The following FER variants were observed in gnomAD, a reference collection of about 807,000 sequenced individuals.
FER encodes the protein FER tyrosine kinase, also known as tyrosine-protein kinase Fer.
Under a neutral mutation model 111.0 loss-of-function variants are expected in FER, and 63 were observed. The ratio of observed to expected loss-of-function variants is 0.57; its 90% CI spans 0.46 to 0.70. The LOEUF (loss-of-function observed/expected upper bound fraction) is 0.70, where lower values mean the gene tolerates loss of function less well. Ranked by LOEUF, FER falls within the 30% of genes least tolerant of loss-of-function variation. FER has a pLI of 0.00. For synonymous variants in FER, 327 were observed against 313.9 expected (o/e 1.04, Z -0.44); for missense variants, 914 against 954.0 (o/e 0.96, Z 0.55).
chr5:108,753,778 T>A (rs1230560647), intron 1 of FER, among the ~76,000 whole-genome samples: 1 of 152,218 alleles, frequency 6.6e-6, no homozygotes, highest in Non-Finnish European at 1.5e-5. Flanking sequence ...GTTCTAATTC[T>A]TAAAGAACAT....
intron 3 of FER, among the ~76,000 whole-genome samples, chr5:108,815,546 C>T (rs2150088344): frequency 6.6e-6 from 1 of 152,164 alleles, no homozygotes; most frequent in East Asian, 1.9e-4. Context: ...TTGTTAGGAC[C>T]TGTTTTCTGT....
chr5:108,850,594 C>T (rs989943973), intron 5 of FER, among the ~76,000 whole-genome samples: 6 of 151,912 alleles, frequency 3.9e-5, no homozygotes, highest in Non-Finnish European at 8.8e-5. Context: ...AGTTGGAATA[C>T]TATTTGTTTT....
chr5:108,900,240 A>T (rs1749815771), intron 10 of FER, among the ~76,000 whole-genome samples: 1 of 152,244 alleles, frequency 6.6e-6, no homozygotes, highest in African/African-American at 2.4e-5. Flanking sequence ...TTTCAGAACA[A>T]TTAGAAATTT....
At chr5:108,809,424 G>A (rs535068880) in intron 3 of FER, among the ~76,000 whole-genome samples, 1 of 152,150 alleles carries the variant, frequency 6.6e-6, no homozygotes, top group Non-Finnish European at 1.5e-5. Context: ...CATAAGCTCT[G>A]ACTGATTTCT....
intron 3 of FER, among the ~76,000 whole-genome samples, chr5:108,812,430 G>A (rs924058146): frequency 2.0e-5 from 3 of 152,022 alleles, no homozygotes; most frequent in African/African-American, 2.4e-5. Context: ...GTGGTATGTC[G>A]TTTTTCATCA....
chr5:108,953,413 G>A (rs1425778592), intron 11 of FER, among the ~76,000 whole-genome samples: 1 of 151,910 alleles, frequency 6.6e-6, no homozygotes, highest in Non-Finnish European at 1.5e-5. Context: ...GTCACAAACG[G>A]AATATATTTT....
chr5:109,163,165 T>C (rs970885239), intron 17 of FER, among the ~76,000 whole-genome samples: 3 of 152,302 alleles, frequency 2.0e-5, no homozygotes, highest in South Asian at 2.1e-4. Flanking sequence ...TTGTTCTAGC[T>C]TTCTTTTTTG....
intron 5 of FER, 50 bp downstream of exon 5, chr5:108,835,857 T>G (rs1267249859): frequency 1.9e-6 from 2 of 1,035,952 alleles, no homozygotes; most frequent in Non-Finnish European, 2.8e-6. Flanking sequence ...TTATTCTTAC[T>G]GTTTGAAAGT....
Position 108,900,467 on chromosome 5 carries a change from T to C in FER, c.1236+2619T>C, listed in dbSNP as rs976580368. ...AAAAGCCTGGAATTCACATAAGTGGTTCTATTGGTATTTTCTCTTTATAAA... is the reference window on the plus strand; with the variant it reads ...AAAAGCCTGGAATTCACATAAGTGGCTCTATTGGTATTTTCTCTTTATAAA... On this transcript the variant is annotated intron_variant, in intron 10 of 19. Coordinates refer to ENST00000281092, the MANE Select transcript of FER (RefSeq NM_005246.4). Among the ~76,000 whole-genome samples the C allele has an allele frequency of 3.9e-5, 6 of 152,368 alleles. No individual in the cohort carries two copies. In the East Asian group the frequency reaches 9.6e-4, roughly 24 times the overall value.
At chr5:109,156,362 C>T (rs1755380747) in intron 17 of FER, among the ~76,000 whole-genome samples, 1 of 152,008 alleles carries the variant, frequency 6.6e-6, no homozygotes, top group Non-Finnish European at 1.5e-5. Flanking sequence ...AGGAAGAAGA[C>T]TTGAGCAAAT....
intron 5 of FER, among the ~76,000 whole-genome samples, chr5:108,844,126 ATG>A (rs1281143822): frequency 6.6e-5 from 10 of 150,962 alleles, no homozygotes; most frequent in African/African-American, 1.7e-4. Context: ...GAACACATAT[ATG>A]TGTGTGAACA....
intron 3 of FER, among the ~76,000 whole-genome samples, chr5:108,813,374 T>C (rs1482436837): frequency 6.6e-6 from 1 of 152,132 alleles, no homozygotes; most frequent in Non-Finnish European, 1.5e-5. Context: ...CTCTGCATTT[T>C]TTGTGCTAGG....
chr5:109,179,848 A>G (rs1185701985), intron 17 of FER, among the ~76,000 whole-genome samples: 1 of 152,124 alleles, frequency 6.6e-6, no homozygotes, highest in Non-Finnish European at 1.5e-5. Context: ...CCTGGAACCA[A>G]TCATGGATCC....
intron 5 of FER, among the ~76,000 whole-genome samples, chr5:108,865,797 A>G (rs928551125): frequency 7.2e-5 from 11 of 152,226 alleles, no homozygotes; most frequent in Admixed American, 3.3e-4. Flanking sequence ...ACACTTCTCA[A>G]AAGAAGACAT....
At position 109,188,858 on chromosome 5, in the gene FER, T is replaced by C. The variant is rs1759158081; in HGVS notation, c.*1283T>C. ...AATTTCCTTTATTTGTACCAGTTTTTAGAGCTGTCAGAATTTCATGATTCT... is the reference window on the plus strand; with the variant it reads ...AATTTCCTTTATTTGTACCAGTTTTCAGAGCTGTCAGAATTTCATGATTCT... On this transcript the variant is annotated 3_prime_UTR_variant, in exon 20 of 20. Coordinates refer to ENST00000281092, the MANE Select transcript of FER (RefSeq NM_005246.4). 6.6e-6 allele frequency: 1 copy of C among 152,206 alleles called. No individual in the cohort carries two copies. Among genetic ancestry groups the C allele is most frequent in the Non-Finnish European group, 1.5e-5 (1 of 68,032 alleles). The allele number at this position is 152,206 out of a possible 1,614,324, so 9.4% of individuals were successfully genotyped here. A position where few individuals can be genotyped will look rare whatever the true frequency, so the allele number is the denominator to read the frequency against.
At chr5:108,923,634 A>T (rs944099971) in intron 10 of FER, among the ~76,000 whole-genome samples, 1 of 152,222 alleles carries the variant, frequency 6.6e-6, no homozygotes, top group Non-Finnish European at 1.5e-5. Flanking sequence ...ACAAATCATT[A>T]TAGAATAGGT....
intron 17 of FER, among the ~76,000 whole-genome samples, chr5:109,108,150 A>G (rs1749172021): frequency 6.6e-6 from 1 of 152,124 alleles, no homozygotes; most frequent in Non-Finnish European, 1.5e-5. Flanking sequence ...AAGTACATTC[A>G]TATGCTCATT....
chr5:108,809,346 T>G (rs904672301), intron 3 of FER, among the ~76,000 whole-genome samples: 3 of 152,236 alleles, frequency 2.0e-5, no homozygotes, highest in African/African-American at 7.2e-5. Context: ...GACATGTATT[T>G]AGGCTCTGAA....
intron 13 of FER, among the ~76,000 whole-genome samples, chr5:109,033,304 T>C (rs138865232): frequency 0.012 from 1,792 of 152,230 alleles, 16 homozygotes; most frequent in Non-Finnish European, 0.02. Context: ...AGACCAGAAA[T>C]ATGTAGTATA....
Sources: allele counts gnomAD v4.1 joint callset (sites outside exome capture counted in the v4.1 genomes callset), GRCh38; gene constraint gnomAD v4.1.1; transcripts MANE v1.5; gene names NCBI Gene and HGNC (gene_info 2026-07-23, HGNC 2026-07-21).